DTD1: variants seen among roughly 807,000 people sequenced by gnomAD.
DTD1 encodes D-tyrosyl-tRNA deacylase 1 homolog.
DTD1 carries 13 observed loss-of-function variants against 25.6 expected under a neutral mutation model. The ratio of observed to expected loss-of-function variants is 0.51; its 90% CI spans 0.33 to 0.81. The LOEUF is 0.81. Among genes scored for constraint, DTD1 ranks in the 30% least tolerant of loss-of-function variants. The pLI is 0.02. For missense variants in DTD1, 193 were observed against 266.4 expected, an observed-to-expected ratio of 0.72 and a Z score of 1.92; for synonymous variants, 110 against 103.6, an observed-to-expected ratio of 1.06 and a Z score of -0.37.
chr20:18,726,736 C>G (rs565988554), intron 4 of DTD1, among the ~76,000 whole-genome samples: 123 of 152,252 alleles, frequency 8.1e-4, no homozygotes, highest in Non-Finnish European at 1.6e-3. Flanking sequence ...CTCCCCTTGC[C>G]CCCTTTCTTG....
At chr20:18,707,769 ACACT>A (rs1449703855) in intron 4 of DTD1, among the ~76,000 whole-genome samples, 2 of 151,990 alleles carry the variant, frequency 1.3e-5, no homozygotes, top group African/African-American at 2.4e-5. Flanking sequence ...GCACACACAC[ACACT>A]CACACACTCT....
At chr20:18,738,531 G>A (rs1020707005) in intron 4 of DTD1, among the ~76,000 whole-genome samples, 1 of 152,228 alleles carries the variant, frequency 6.6e-6, no homozygotes, top group African/African-American at 2.4e-5. Context: ...CGTTTTGAGA[G>A]CTGCACCATT....
intron 4 of DTD1, among the ~76,000 whole-genome samples, chr20:18,696,797 G>A (rs920237125): frequency 1.3e-5 from 2 of 151,642 alleles, no homozygotes; most frequent in Non-Finnish European, 2.9e-5. Context: ...CAGGTGATAC[G>A]CCCACCTCGG....
intron 1 of DTD1, among the ~76,000 whole-genome samples, chr20:18,589,842 A>G (rs2060581977): frequency 6.6e-6 from 1 of 152,226 alleles, no homozygotes; most frequent in Non-Finnish European, 1.5e-5. Context: ...TAAAACAACC[A>G]AACCTGCATA....
At chr20:18,633,727 A>G (rs1036796254) in intron 4 of DTD1, among the ~76,000 whole-genome samples, 1 of 152,194 alleles carries the variant, frequency 6.6e-6, no homozygotes, top group Admixed American at 6.5e-5. Context: ...TTGTTTTCAA[A>G]TTTCTACTTC....
In DTD1 at chr20:18,764,923, A is replaced by G. The variant is rs1464408459; in HGVS notation, c.*1583A>G. On this transcript the variant is annotated 3_prime_UTR_variant, in exon 6 of 6. Coordinates refer to ENST00000377452, the MANE Select transcript of DTD1 (RefSeq NM_080820.6). ...GGGTTTGGCTTGCTGGATAACTGTC[A>G]TGTTTCTCCACCACAGCATTTTATT... The G allele has an allele frequency of 6.6e-6, 1 of 152,224 alleles. No homozygotes were observed. The highest frequency in any genetic ancestry group is 6.5e-5 in the Admixed American group (1 of 15,288). The allele number at this position is 152,224 out of a possible 1,614,324, so 9.4% of individuals were successfully genotyped here.
chr20:18,652,112 A>G (rs1429406395), intron 4 of DTD1, among the ~76,000 whole-genome samples: 1 of 152,190 alleles, frequency 6.6e-6, no homozygotes, highest in Non-Finnish European at 1.5e-5. Flanking sequence ...AGCTGAAGCT[A>G]ACGTGGAACT....
chr20:18,696,647 C>A (rs374116853), intron 4 of DTD1, among the ~76,000 whole-genome samples: 3 of 151,996 alleles, frequency 2.0e-5, no homozygotes, highest in Admixed American at 1.3e-4. Flanking sequence ...CTCCGCCTCC[C>A]GGGTTCAAGT....
intron 4 of DTD1, among the ~76,000 whole-genome samples, chr20:18,652,192 A>G (rs2122356215): frequency 6.6e-6 from 1 of 152,342 alleles, no homozygotes; most frequent in Non-Finnish European, 1.5e-5. Flanking sequence ...AAGTGTCTGG[A>G]TTTGAGTCTT....
intron 4 of DTD1, among the ~76,000 whole-genome samples, chr20:18,680,417 GTT>G (rs3056280): frequency 3.8e-5 from 4 of 105,206 alleles, no homozygotes; most frequent in Non-Finnish European, 4.0e-5. Context: ...TGTTGTCTAC[GTT>G]TTTTTTTTTT....
rs745552763 is a variant in DTD1, at chr20:18,687,542, G to C, written c.478-56558G>C. Among the ~76,000 whole-genome samples, 5 of 152,012 alleles carry C rather than the reference G, an allele frequency of 3.3e-5. 2 individuals carry two copies. The South Asian group carries it at 1.0e-3, about 32-fold the overall frequency. On this transcript the variant is annotated intron_variant, in intron 4 of 5. Transcript: ENST00000377452. ...TTATGTTTGTAAAACATAAATAAAG[G>C]GTTTTCTTTTTTTTTCTTTTTCTCT...
At chr20:18,610,837 A>C (rs2060683739) in intron 3 of DTD1, among the ~76,000 whole-genome samples, 1 of 152,204 alleles carries the variant, frequency 6.6e-6, no homozygotes, top group South Asian at 2.1e-4. Flanking sequence ...GCTTTCACAC[A>C]GGAGATTGAG....
chr20:18,762,844 T>C (rs1164882503), intron 5 of DTD1, among the ~76,000 whole-genome samples: 1 of 152,076 alleles, frequency 6.6e-6, no homozygotes, highest in African/African-American at 2.4e-5. Flanking sequence ...TTCTGCTCCT[T>C]ATTATTCTCT....
intron 4 of DTD1, among the ~76,000 whole-genome samples, chr20:18,668,754 G>T (rs995382045): frequency 6.6e-6 from 1 of 152,172 alleles, no homozygotes; most frequent in African/African-American, 2.4e-5. Flanking sequence ...TCTCTGAACT[G>T]CTCACTGTTC....
At chr20:18,698,872 C>T (rs1057500520) in intron 4 of DTD1, among the ~76,000 whole-genome samples, 1 of 152,210 alleles carries the variant, frequency 6.6e-6, no homozygotes, top group Non-Finnish European at 1.5e-5. Context: ...GTTACTTTGG[C>T]AGCTCCCAGG....
chr20:18,645,819 C>T (rs1343185001), intron 4 of DTD1, among the ~76,000 whole-genome samples: 1 of 152,128 alleles, frequency 6.6e-6, no homozygotes, highest in African/African-American at 2.4e-5. Context: ...GTTCCTTTTT[C>T]ATAGTGTTTT....
chr20:18,655,468 A>G (rs1305171468), intron 4 of DTD1, among the ~76,000 whole-genome samples: 3 of 152,222 alleles, frequency 2.0e-5, no homozygotes, highest in Non-Finnish European at 4.4e-5. Flanking sequence ...ACTTACTTTT[A>G]AAACTTTGTA....
intron 4 of DTD1, among the ~76,000 whole-genome samples, chr20:18,714,023 C>T (rs1464846824): frequency 1.3e-5 from 2 of 152,200 alleles, no homozygotes; most frequent in African/African-American, 2.4e-5. Flanking sequence ...GAGATGTGAC[C>T]TGGAAGGCCC....
chr20:18,750,332 G>A (rs1351188270), intron 5 of DTD1, among the ~76,000 whole-genome samples: 3 of 152,174 alleles, frequency 2.0e-5, no homozygotes, highest in African/African-American at 7.2e-5. Context: ...GACAGAAGGT[G>A]ACCCTGACAT....
Sources: gnomAD v4.1 joint callset for allele counts (sites outside exome capture counted in the v4.1 genomes callset) on GRCh38, gnomAD v4.1.1 for gene constraint, MANE v1.5 for transcripts, NCBI Gene and HGNC (gene_info 2026-07-23, HGNC 2026-07-21) for gene names.